Variants in OR2AG1 observed in about 807,000 individuals in gnomAD.
The protein encoded by OR2AG1 is olfactory receptor family 2 subfamily AG member 1.
For missense variants in OR2AG1, 391 were observed against 385.9 expected, an observed-to-expected ratio of 1.01 and a Z score of -0.11; for synonymous variants, 157 against 155.6, an observed-to-expected ratio of 1.01 and a Z score of -0.07.
At chr11:6,784,273 T>C (rs1035409590) in intron 1 of OR2AG1, among the ~76,000 whole-genome samples, 6 of 152,122 alleles carry the variant, frequency 3.9e-5, no homozygotes, top group African/African-American at 1.4e-4. Flanking sequence ...AACACAAACA[T>C]CCTGATCTTC....
Position 6,785,964 on chromosome 11 carries a change from G to A in OR2AG1, c.927G>A (p.Met309Ile), listed in dbSNP as rs751259714. The change falls in exon 2 of 2, where the codon ATG becomes ATA. Residue 309 changes from methionine (M) to isoleucine (I), a missense_variant. Transcript: ENST00000641258. ...RALRRVLGKY[M>I]LPAHSTL ...TGAGGAGGGTCCTGGGAAAATACAT[G>A]CTGCCAGCACACTCCACGCTCTAGG... The A allele has an allele frequency of 5.3e-5, 86 of 1,613,406 alleles. No homozygotes were observed. Among genetic ancestry groups the A allele is most frequent in the South Asian group, 1.2e-4 (11 of 91,016 alleles).
rs1847689428 is a variant in OR2AG1 at position 6,791,512 on chromosome 11, T to C, written c.*5524T>C. On this transcript the variant is annotated 3_prime_UTR_variant, in exon 2 of 2. Transcript: ENST00000641258. The stretch of plus-strand genomic sequence containing the variant: ...CTAAGTATATAAAGCACTAACTTTA[T>C]CAATTTTGTTAATTATACTTCACTT... 1 of 152,246 alleles carries C rather than the reference T, an allele frequency of 6.6e-6. No homozygotes were observed. Among genetic ancestry groups the C allele is most frequent in the Non-Finnish European group, 1.5e-5 (1 of 68,048 alleles). 9.4% of individuals were successfully genotyped at this position (152,246 alleles called of 1,614,324 possible). A position where few individuals can be genotyped will look rare whatever the true frequency, so the allele number is the denominator to read the frequency against.
intron 1 of OR2AG1, among the ~76,000 whole-genome samples, chr11:6,783,972 C>T (rs941793714): frequency 6.6e-6 from 1 of 152,200 alleles, no homozygotes; most frequent in African/African-American, 2.4e-5. Context: ...ACTGCATGTT[C>T]ACAGTTGGCT....
Position 6,790,487 on chromosome 11 carries a change from G to C in OR2AG1, c.*4499G>C, listed in dbSNP as rs1489538710. On this transcript the variant is annotated 3_prime_UTR_variant, in exon 2 of 2. Transcript: ENST00000641258. Reference sequence around the variant, plus strand: ...GCTTGCATGTGGTCATCATTTCACAGGGTATACGTATATCAAATCATCACA... The same window carrying C: ...GCTTGCATGTGGTCATCATTTCACACGGTATACGTATATCAAATCATCACA... 1 of 152,060 alleles carries C rather than the reference G, an allele frequency of 6.6e-6. No homozygotes were observed. Among genetic ancestry groups the C allele is most frequent in the Non-Finnish European group, 1.5e-5 (1 of 68,012 alleles). 9.4% of individuals were successfully genotyped at this position (152,060 alleles called of 1,614,324 possible).
Position 6,786,044 on chromosome 11 carries a change from G to A in OR2AG1, c.*56G>A, listed in dbSNP as rs956025895. The stretch of plus-strand genomic sequence containing the variant: ...TTCTCCTGAGAGTCAAAAGATTCAT[G>A]TTATGAATCAAATACTAATGGTAAA... On this transcript the variant is annotated 3_prime_UTR_variant, in exon 2 of 2. Transcript: ENST00000641258. The A allele has an allele frequency of 1.0e-5, 14 of 1,345,184 alleles. No individual in the cohort carries two copies. Among genetic ancestry groups the A allele is most frequent in the African/African-American group, 1.4e-5 (1 of 69,222 alleles). 83.3% of individuals were successfully genotyped at this position (1,345,184 alleles called of 1,614,324 possible).
Position 6,788,683 on chromosome 11 carries a change from A to C in OR2AG1, c.*2695A>C, listed in dbSNP as rs1229463181. ...CCTAGTCTCAGTCAGTTTTAAAATG[A>C]ACATTCCACACCATCATTCTAAGCT... On this transcript the variant is annotated 3_prime_UTR_variant, in exon 2 of 2. Transcript: ENST00000641258. 7 of 152,122 alleles carry C rather than the reference A, an allele frequency of 4.6e-5. No homozygotes were observed. Among genetic ancestry groups the C allele is most frequent in the Admixed American group, 4.6e-4 (7 of 15,256 alleles). 9.4% of individuals were successfully genotyped at this position (152,122 alleles called of 1,614,324 possible).
In OR2AG1 at chr11:6,789,054, T is replaced by C. The variant is rs898244202; in HGVS notation, c.*3066T>C. The C allele has an allele frequency of 4.0e-5, 6 of 151,898 alleles. No individual in the cohort carries two copies. The highest frequency in any genetic ancestry group is 1.2e-4 in the African/African-American group (5 of 41,420). 9.4% of individuals were successfully genotyped at this position (151,898 alleles called of 1,614,324 possible). ...AAAAAAAATACAAAGGGAACACTTA[T>C]GCCCATTTTCTCCTCTGCTGATCTT... On this transcript the variant is annotated 3_prime_UTR_variant, in exon 2 of 2. Coordinates refer to ENST00000641258, the MANE Select transcript of OR2AG1 (RefSeq NM_001004489.3).
Position 6,786,068 on chromosome 11 carries a change from A to T in OR2AG1, c.*80A>T. On this transcript the variant is annotated 3_prime_UTR_variant, in exon 2 of 2. Transcript: ENST00000641258. ...TGTTATGAATCAAATACTAATGGTAAAACCAATACAGTGCAGAGTATAGCA... is the reference window on the plus strand; with the variant it reads ...TGTTATGAATCAAATACTAATGGTATAACCAATACAGTGCAGAGTATAGCA... 1 of 1,088,494 alleles carries T rather than the reference A, an allele frequency of 9.2e-7. No individual in the cohort carries two copies. Among genetic ancestry groups the T allele is most frequent in the Non-Finnish European group, 1.3e-6 (1 of 743,450 alleles). 67.4% of individuals were successfully genotyped at this position (1,088,494 alleles called of 1,614,324 possible). A position where few individuals can be genotyped will look rare whatever the true frequency, so the allele number is the denominator to read the frequency against.
In OR2AG1 at chr11:6,789,978, C is replaced by T. The variant is rs186709920; in HGVS notation, c.*3990C>T. On this transcript the variant is annotated 3_prime_UTR_variant, in exon 2 of 2. Transcript: ENST00000641258. Reference sequence around the variant, plus strand: ...TTATTGCAGCATGATTCACAATAGACAAAATATTGGAAACAACCTAAGAGT... The same window carrying T: ...TTATTGCAGCATGATTCACAATAGATAAAATATTGGAAACAACCTAAGAGT... 3 of 152,014 alleles carry T rather than the reference C, an allele frequency of 2.0e-5. No individual in the cohort carries two copies. The highest frequency in any genetic ancestry group is 2.0e-4 in the Admixed American group (3 of 15,268). The allele number at this position is 152,014 out of a possible 1,614,324, so 9.4% of individuals were successfully genotyped here.
In OR2AG1 at chr11:6,785,758, T is replaced by C. The variant is rs200606130; in HGVS notation, c.721T>C (p.Cys241Arg). ...GGGGAGGAAGAAAGCCCTTGTCACC[T>C]GCTCTTCCCACCTGACTGTGGTTGG... ...NEGRKKALVT[C>R]SSHLTVVGMF... Residue 241 changes from cysteine (C) to arginine (R), a missense_variant, in exon 2 of 2, where the codon TGC becomes CGC. By Grantham distance (180) the Cys-to-Arg change is radical (BLOSUM62 -3). Coordinates refer to ENST00000641258, the MANE Select transcript of OR2AG1 (RefSeq NM_001004489.3). The C allele has an allele frequency of 2.8e-4, 451 of 1,614,198 alleles. 2 individuals carry two copies. The highest frequency in any genetic ancestry group is 7.8e-4 in the Admixed American group (47 of 60,024).
rs1002113998 is a variant in OR2AG1 at position 6,787,373 on chromosome 11, C to G, written c.*1385C>G. On this transcript the variant is annotated 3_prime_UTR_variant, in exon 2 of 2. Transcript: ENST00000641258. Reference sequence around the variant, plus strand: ...CTATAACTTTTAGCATATTACTTAACCTGTTTGTGCCCAAGTCTGCAAGTT... The same window carrying G: ...CTATAACTTTTAGCATATTACTTAAGCTGTTTGTGCCCAAGTCTGCAAGTT... 6.6e-6 allele frequency: 1 copy of G among 152,074 alleles called. No homozygotes were observed. Among genetic ancestry groups the G allele is most frequent in the Non-Finnish European group, 1.5e-5 (1 of 68,006 alleles). 9.4% of individuals were successfully genotyped at this position (152,074 alleles called of 1,614,324 possible).
chr11:6,785,362 G>C lies in OR2AG1; in HGVS notation c.325G>C (p.Gly109Arg), dbSNP rs997482226. Residue 109 changes from glycine (G) to arginine (R), a missense_variant, in exon 2 of 2, where the codon GGT becomes CGT. Transcript: ENST00000641258. ...LQMFLALTMG[G>R]AEDLLLAFMA... ...GATGTTCCTGGCACTGACAATGGGT[G>C]GTGCTGAGGACCTCCTACTGGCCTT... The C allele has an allele frequency of 1.9e-6, 3 of 1,614,004 alleles. No individual in the cohort carries two copies. The African/African-American group carries it at 4.0e-5, about 22-fold the overall frequency.
rs2133027820 is a variant in OR2AG1 at position 6,785,555 on chromosome 11, A to G, written c.518A>G (p.Glu173Gly). The G allele has an allele frequency of 3.1e-6, 5 of 1,614,152 alleles. No homozygotes were observed. Among genetic ancestry groups the G allele is most frequent in the Non-Finnish European group, 4.2e-6 (5 of 1,180,028 alleles). The change falls in exon 2 of 2, where the codon GAG becomes GGG. Residue 173 changes from glutamate to glycine, a missense_variant. Physicochemically the swap from Glu to Gly is moderately conservative, Grantham distance 98. Coordinates refer to ENST00000641258, the MANE Select transcript of OR2AG1 (RefSeq NM_001004489.3). Reference sequence around the variant, plus strand: ...CACTATCCCTTCTGCAGGGCCCAGGAGATCAGGCATCTTCTCTGTGAGATC... The same window carrying G: ...CACTATCCCTTCTGCAGGGCCCAGGGGATCAGGCATCTTCTCTGTGAGATC... ...TMHYPFCRAQ[E>G]IRHLLCEIPH...
chr11:6,787,546 A>T lies in OR2AG1; in HGVS notation c.*1558A>T, dbSNP rs985743757. On this transcript the variant is annotated 3_prime_UTR_variant, in exon 2 of 2. Transcript: ENST00000641258. ...AGTATTTAATAAATTTAACACCTAC[A>T]GAATAAATGGCCCTGAAAATACTGT... is the stretch of plus-strand genomic sequence containing the variant. The T allele has an allele frequency of 3.3e-5, 5 of 152,178 alleles. No homozygotes were observed. The highest frequency in any genetic ancestry group is 6.5e-5 in the Admixed American group (1 of 15,274). The allele number at this position is 152,178 out of a possible 1,614,324, so 9.4% of individuals were successfully genotyped here.
At position 6,789,735 on chromosome 11, in the gene OR2AG1, A is replaced by G. The variant is rs987721767; in HGVS notation, c.*3747A>G. 4 of 152,736 alleles carry G rather than the reference A, an allele frequency of 2.6e-5. No individual in the cohort carries two copies. The highest frequency in any genetic ancestry group is 9.6e-5 in the African/African-American group (4 of 41,470). The allele number at this position is 152,736 out of a possible 1,614,324, so 9.5% of individuals were successfully genotyped here. On this transcript the variant is annotated 3_prime_UTR_variant, in exon 2 of 2. Transcript: ENST00000641258. ...CTGTTAGTATTATTTTTGAAAACCA[A>G]AAAAGTCAAAGCAAAACAAGTGTTG...
chr11:6,786,055 A>T lies in OR2AG1; in HGVS notation c.*67A>T. The T allele has an allele frequency of 6.4e-6, 8 of 1,243,876 alleles. No homozygotes were observed. Among genetic ancestry groups the T allele is most frequent in the Non-Finnish European group, 8.0e-6 (7 of 876,196 alleles). 77.1% of individuals were successfully genotyped at this position (1,243,876 alleles called of 1,614,324 possible). On this transcript the variant is annotated 3_prime_UTR_variant, in exon 2 of 2. Transcript: ENST00000641258. ...GTCAAAAGATTCATGTTATGAATCA[A>T]ATACTAATGGTAAAACCAATACAGT...
Position 6,786,530 on chromosome 11 carries a change from A to G in OR2AG1, c.*542A>G, listed in dbSNP as rs1190158340. 2.6e-5 allele frequency: 4 copies of G among 152,120 alleles called. No individual in the cohort carries two copies. The highest frequency in any genetic ancestry group is 9.7e-5 in the African/African-American group (4 of 41,392). 9.4% of individuals were successfully genotyped at this position (152,120 alleles called of 1,614,324 possible). A position where few individuals can be genotyped will look rare whatever the true frequency, so the allele number is the denominator to read the frequency against. On this transcript the variant is annotated 3_prime_UTR_variant, in exon 2 of 2. Coordinates refer to ENST00000641258, the MANE Select transcript of OR2AG1 (RefSeq NM_001004489.3). ...TTTCTAAACATCAGCCATATGAAAC[A>G]CTCTAACAAGTGTCTTTGCTTGTTT...
In OR2AG1 at chr11:6,786,231, C is replaced by T; in HGVS notation, c.*243C>T. On this transcript the variant is annotated 3_prime_UTR_variant, in exon 2 of 2. Transcript: ENST00000641258. ...CTATTTAAAATTTAATCTTTATTTTCCCAGGAAGGTATTTAGTTAAATGGG... is the reference window on the plus strand; with the variant it reads ...CTATTTAAAATTTAATCTTTATTTTTCCAGGAAGGTATTTAGTTAAATGGG... The T allele has an allele frequency of 2.5e-6, 1 of 407,344 alleles. No individual in the cohort carries two copies. The highest frequency in any genetic ancestry group is 3.8e-5 in the East Asian group (1 of 26,184). The allele number at this position is 407,344 out of a possible 1,614,324, so 25.2% of individuals were successfully genotyped here. A position where few individuals can be genotyped will look rare whatever the true frequency, so the allele number is the denominator to read the frequency against.
Position 6,786,352 on chromosome 11 carries a change from T to A in OR2AG1, c.*364T>A, listed in dbSNP as rs931565383. On this transcript the variant is annotated 3_prime_UTR_variant, in exon 2 of 2. Transcript: ENST00000641258. ...AAAGGAAAGTTTCAAGTGGGTGGTG[T>A]AAGTAAAACCCAGACATCAAAGGGG... 1 of 179,140 alleles carries A rather than the reference T, an allele frequency of 5.6e-6. No individual in the cohort carries two copies. Among genetic ancestry groups the A allele is most frequent in the African/African-American group, 2.4e-5 (1 of 42,238 alleles). The allele number at this position is 179,140 out of a possible 1,614,324, so 11.1% of individuals were successfully genotyped here.
Sources: allele counts gnomAD v4.1 joint callset (sites outside exome capture counted in the v4.1 genomes callset), GRCh38; gene constraint gnomAD v4.1.1; transcripts MANE v1.5; gene names NCBI Gene and HGNC (gene_info 2026-07-23, HGNC 2026-07-21).